The following KIAA1549L variants were observed in gnomAD, a reference collection of about 807,000 sequenced individuals.
KIAA1549L encodes the protein KIAA1549 like.
KIAA1549L carries 88 observed loss-of-function variants against 160.7 expected under a neutral mutation model. The observed-to-expected ratio is 0.55, with a 90% confidence interval of 0.46 to 0.65. The LOEUF (loss-of-function observed/expected upper bound fraction) is 0.65, where lower values mean the gene tolerates loss of function less well. KIAA1549L is among the 30% of genes least tolerant of loss of function. KIAA1549L has a pLI of 0.00. For synonymous variants in KIAA1549L, 950 were observed against 976.7 expected (o/e 0.97, Z 0.51); for missense variants, 2,258 against 2,437.5 (o/e 0.93, Z 1.55).
intron 9 of KIAA1549L, 140 bp downstream of exon 9, chr11:33,568,367 C>G (rs1855127548): frequency 1.3e-6 from 1 of 767,542 alleles, no homozygotes; most frequent in African/African-American, 1.8e-5. Flanking sequence ...CAAGGCTGCT[C>G]TTAGGTTTTG....
In KIAA1549L at chr11:33,542,424, A is replaced by G; in HGVS notation, c.861A>G (p.Ile287Met). 2 of 1,572,364 alleles carry G rather than the reference A, an allele frequency of 1.3e-6. No individual in the cohort carries two copies. Among genetic ancestry groups the G allele is most frequent in the Admixed American group, 1.7e-5 (1 of 57,930 alleles). ...APADPSLGQN[I>M]ANPLIPFSDE... ...CCGACCCCTCTTTAGGTCAGAACAT[A>G]GCTAATCCCTTAATCCCATTTTCTG... The change falls in exon 2 of 21, where the codon ATA (isoleucine) becomes ATG (methionine). Residue 287 changes from isoleucine (I) to methionine (M), a missense_variant. Coordinates refer to ENST00000658780, the MANE Select transcript of KIAA1549L (RefSeq NM_012194.3).
intron 20 of KIAA1549L, chr11:33,665,443 C>T (rs1852410845): frequency 6.6e-6 from 1 of 152,276 alleles, no homozygotes; most frequent in South Asian, 2.1e-4. Flanking sequence ...GCAACTTGTT[C>T]AGACATCTCT....
intron 1 of KIAA1549L, among the ~76,000 whole-genome samples, chr11:33,492,149 C>A (rs1216830006): frequency 6.6e-6 from 1 of 152,124 alleles, no homozygotes; most frequent in Non-Finnish European, 1.5e-5. Flanking sequence ...GACAGATCAC[C>A]TGAGGTCAGG....
At chr11:33,399,015 C>A (rs953694714) in intron 1 of KIAA1549L, among the ~76,000 whole-genome samples, 1 of 149,928 alleles carries the variant, frequency 6.7e-6, no homozygotes. Context: ...TTCAGTGGCA[C>A]AATCTCTGCT....
At chr11:33,637,427 C>A (rs1428989098) in intron 16 of KIAA1549L, among the ~76,000 whole-genome samples, 1 of 152,224 alleles carries the variant, frequency 6.6e-6, no homozygotes, top group Non-Finnish European at 1.5e-5. Flanking sequence ...TGACAACAGT[C>A]CAGCCTTCTT....
intron 1 of KIAA1549L, among the ~76,000 whole-genome samples, chr11:33,447,623 GCA>G (rs56839961): frequency 3.6e-3 from 526 of 147,290 alleles, no homozygotes; most frequent in African/African-American, 5.1e-3. Flanking sequence ...ACATGAACTT[GCA>G]CACACACACA....
intron 1 of KIAA1549L, among the ~76,000 whole-genome samples, chr11:33,523,472 T>G (rs1402242698): frequency 6.6e-6 from 1 of 152,252 alleles, no homozygotes. Context: ...TTCTTAATTT[T>G]AGAGAATGTC....
At chr11:33,472,265 T>C (rs889181975) in intron 1 of KIAA1549L, among the ~76,000 whole-genome samples, 1 of 147,686 alleles carries the variant, frequency 6.8e-6, no homozygotes, top group African/African-American at 2.5e-5. Context: ...GGCACATGCC[T>C]CATGCCTGGC....
At chr11:33,481,702 C>T (rs1852414675) in intron 1 of KIAA1549L, among the ~76,000 whole-genome samples, 2 of 152,180 alleles carry the variant, frequency 1.3e-5, no homozygotes, top group African/African-American at 2.4e-5. Context: ...ACAGACCCAC[C>T]CTCACTTTTT....
intron 10 of KIAA1549L, 55 bp from the exon 11 acceptor site, chr11:33,583,283 C>T: frequency 6.6e-7 from 1 of 1,525,922 alleles, no homozygotes; most frequent in Non-Finnish European, 8.9e-7. Context: ...GTCTGGGTTG[C>T]TTTCCTCTTC....
intron 1 of KIAA1549L, among the ~76,000 whole-genome samples, chr11:33,396,021 A>G (rs1407601950): frequency 1.3e-5 from 2 of 151,878 alleles, no homozygotes; most frequent in Non-Finnish European, 2.9e-5. Context: ...AATTGGTTGT[A>G]TTTTTTTCTT....
intron 18 of KIAA1549L, among the ~76,000 whole-genome samples, chr11:33,657,882 T>C (rs944734457): frequency 6.6e-6 from 1 of 152,194 alleles, no homozygotes; most frequent in African/African-American, 2.4e-5. Context: ...GTGGCTGTCA[T>C]TTGCTCTGTG....
intron 1 of KIAA1549L, among the ~76,000 whole-genome samples, chr11:33,404,002 G>T (rs963062356): frequency 6.6e-6 from 1 of 152,174 alleles, no homozygotes; most frequent in Non-Finnish European, 1.5e-5. Context: ...AATGGGATTT[G>T]AGGTCACCAG....
chr11:33,493,917 T>A (rs1451834551), intron 1 of KIAA1549L, among the ~76,000 whole-genome samples: 1 of 152,202 alleles, frequency 6.6e-6, no homozygotes, highest in African/African-American at 2.4e-5. Context: ...AGATACCCAG[T>A]GACAGCAGTC....
At chr11:33,599,645 G>A (rs1374580899) in intron 13 of KIAA1549L, among the ~76,000 whole-genome samples, 1 of 152,140 alleles carries the variant, frequency 6.6e-6, no homozygotes, top group Non-Finnish European at 1.5e-5. Context: ...TCTGAGCACC[G>A]TAGTTGTGGA....
chr11:33,407,556 C>A (rs1298194158), intron 1 of KIAA1549L, among the ~76,000 whole-genome samples: 1 of 151,990 alleles, frequency 6.6e-6, no homozygotes, highest in Non-Finnish European at 1.5e-5. Flanking sequence ...ACCGTGTTGG[C>A]CAGGCTGGTT....
chr11:33,404,040 A>G (rs536040901), intron 1 of KIAA1549L, among the ~76,000 whole-genome samples: 4 of 152,236 alleles, frequency 2.6e-5, no homozygotes, highest in African/African-American at 9.6e-5. Flanking sequence ...AATTAGTGAT[A>G]ATTATTTGAA....
chr11:33,658,972 C>T (rs1050768837), intron 19 of KIAA1549L, 74 bp downstream of exon 19: 14 of 1,425,472 alleles, frequency 9.8e-6, no homozygotes, highest in Non-Finnish European at 1.3e-5. Flanking sequence ...ATCCCCAGTT[C>T]CAATCTCCTT....
In KIAA1549L at chr11:33,671,285, C is replaced by T. The variant is rs1852667009; in HGVS notation, c.*3131C>T. On this transcript the variant is annotated 3_prime_UTR_variant, in exon 21 of 21. Transcript: ENST00000658780. ...GGATCCCAACAGGCAGGCAGGGAGG[C>T]CCTTGACTTTGTGTCACTGTGAGGC... is the stretch of plus-strand genomic sequence containing the variant. The T allele has an allele frequency of 6.6e-6, 1 of 152,202 alleles. No homozygotes were observed. Among genetic ancestry groups the T allele is most frequent in the Admixed American group, 6.5e-5 (1 of 15,278 alleles). The allele number at this position is 152,202 out of a possible 1,614,324, so 9.4% of individuals were successfully genotyped here. A position where few individuals can be genotyped will look rare whatever the true frequency, so the allele number is the denominator to read the frequency against.
Sources: allele counts gnomAD v4.1 joint callset (sites outside exome capture counted in the v4.1 genomes callset), GRCh38; gene constraint gnomAD v4.1.1; transcripts MANE v1.5; gene names NCBI Gene and HGNC (gene_info 2026-07-23, HGNC 2026-07-21).